Variants in SLC24A2 observed in about 807,000 individuals in gnomAD.
SLC24A2 encodes the protein solute carrier family 24 member 2.
SLC24A2 carries 36 observed loss-of-function variants against 62.0 expected under a neutral mutation model. The observed-to-expected ratio is 0.58, with a 90% CI of 0.44 to 0.77. The LOEUF (loss-of-function observed/expected upper bound fraction) is 0.77. SLC24A2 is among the 30% of genes least tolerant of loss of function. The pLI is 0.00. For missense variants in SLC24A2, 846 were observed against 817.9 expected, an observed-to-expected ratio of 1.03 and a Z score of -0.42; for synonymous variants, 358 against 294.0, an observed-to-expected ratio of 1.22 and a Z score of -2.23.
the SLC24A2 span, among the ~76,000 whole-genome samples, chr9:19,938,898 AAAAC>A: frequency 1.9e-4 from 29 of 151,676 alleles, no homozygotes; most frequent in Admixed American, 4.6e-4. Flanking sequence ...TGTACAAAAC[AAAAC>A]AAACAAACAA....
At chr9:19,838,455 CCACACA>C in the SLC24A2 span, among the ~76,000 whole-genome samples, 21 of 144,850 alleles carry the variant, frequency 1.4e-4, no homozygotes, top group African/African-American at 3.3e-4. Context: ...AGACCTAAAA[CCACACA>C]CACACACACA....
the SLC24A2 span, among the ~76,000 whole-genome samples, chr9:20,143,310 G>A: frequency 6.6e-6 from 1 of 152,142 alleles, no homozygotes; most frequent in Non-Finnish European, 1.5e-5. Flanking sequence ...TTGGGCCATA[G>A]AGAAAAGAGG....
At chr9:19,654,480 C>T (rs535323889) in intron 2 of SLC24A2, among the ~76,000 whole-genome samples, 8 of 152,176 alleles carry the variant, frequency 5.3e-5, no homozygotes, top group African/African-American at 9.7e-5. Context: ...TCTGCCCATT[C>T]GATTGCTCCA....
At chr9:20,058,277 A>G in the SLC24A2 span, among the ~76,000 whole-genome samples, 1 of 152,210 alleles carries the variant, frequency 6.6e-6, no homozygotes, top group Admixed American at 6.5e-5. Flanking sequence ...AAGTCACACA[A>G]ATAAAGATGA....
the SLC24A2 span, among the ~76,000 whole-genome samples, chr9:19,893,425 T>C: frequency 6.6e-6 from 1 of 152,170 alleles, no homozygotes; most frequent in Non-Finnish European, 1.5e-5. Flanking sequence ...TACCTCCCTA[T>C]TGGTGCAACT....
chr9:19,932,372 G>T, the SLC24A2 span, among the ~76,000 whole-genome samples: 1 of 152,140 alleles, frequency 6.6e-6, no homozygotes, highest in African/African-American at 2.4e-5. Flanking sequence ...GTCTTACGTG[G>T]AGCTTCTTCA....
chr9:19,878,791 A>G, the SLC24A2 span, among the ~76,000 whole-genome samples: 14 of 152,240 alleles, frequency 9.2e-5, no homozygotes, highest in East Asian at 1.7e-3. Flanking sequence ...CTGGAAGTCA[A>G]TTACATCTCT....
chr9:19,814,447 T>A, the SLC24A2 span, among the ~76,000 whole-genome samples: 2 of 152,150 alleles, frequency 1.3e-5, no homozygotes, highest in African/African-American at 4.8e-5. Context: ...TTGGTTAACA[T>A]TTGTTATCAA....
the SLC24A2 span, among the ~76,000 whole-genome samples, chr9:19,864,089 G>T: frequency 6.6e-6 from 1 of 151,810 alleles, no homozygotes; most frequent in African/African-American, 2.4e-5. Context: ...TAGAAAAAAT[G>T]GACAAATTCC....
the SLC24A2 span, among the ~76,000 whole-genome samples, chr9:20,266,944 T>C: frequency 5.3e-5 from 8 of 151,908 alleles, no homozygotes; most frequent in Non-Finnish European, 1.0e-4. Flanking sequence ...CAGCTAGGCA[T>C]AGTGGAACAC....
chr9:19,723,936 A>G (rs1396141052), intron 2 of SLC24A2, among the ~76,000 whole-genome samples: 3 of 152,074 alleles, frequency 2.0e-5, no homozygotes, highest in Non-Finnish European at 2.9e-5. Context: ...ATTTTGCCAT[A>G]CTATTTTTTA....
chr9:19,883,468 G>A, the SLC24A2 span, among the ~76,000 whole-genome samples: 1 of 152,082 alleles, frequency 6.6e-6, no homozygotes, highest in Non-Finnish European at 1.5e-5. Flanking sequence ...CACAAGTAAA[G>A]AATCTATACC....
the SLC24A2 span, among the ~76,000 whole-genome samples, chr9:20,269,521 G>A: frequency 2.6e-5 from 4 of 152,156 alleles, no homozygotes; most frequent in Admixed American, 6.5e-5. Context: ...GTGAAAGGAG[G>A]AGTGTTCTGG....
chr9:19,978,538 AG>A, the SLC24A2 span, among the ~76,000 whole-genome samples: 18 of 152,272 alleles, frequency 1.2e-4, no homozygotes, highest in African/African-American at 4.1e-4. Context: ...ATGGTGTTCA[AG>A]CAACTGACCA....
chr9:20,093,416 C>A, the SLC24A2 span, among the ~76,000 whole-genome samples: 1 of 151,904 alleles, frequency 6.6e-6, no homozygotes, highest in Non-Finnish European at 1.5e-5. Flanking sequence ...TTCTTTTTAT[C>A]TTTTTTGAGT....
At chr9:20,055,493 GCTATTAT>G in the SLC24A2 span, among the ~76,000 whole-genome samples, 1 of 152,190 alleles carries the variant, frequency 6.6e-6, no homozygotes, top group African/African-American at 2.4e-5. Context: ...CTCTTCAGTA[GCTATTAT>G]CTGTAACTTT....
At chr9:19,861,229 C>G in the SLC24A2 span, among the ~76,000 whole-genome samples, 1 of 152,132 alleles carries the variant, frequency 6.6e-6, no homozygotes, top group African/African-American at 2.4e-5. Context: ...CTCCAGGTGG[C>G]TCAGAGCAGA....
the SLC24A2 span, among the ~76,000 whole-genome samples, chr9:20,229,994 T>C: frequency 6.6e-5 from 10 of 152,070 alleles, no homozygotes; most frequent in Admixed American, 2.0e-4. Context: ...TTTGGTTTTT[T>C]GTCCTTGTGA....
chr9:19,962,758 G>A, the SLC24A2 span, among the ~76,000 whole-genome samples: 1 of 152,142 alleles, frequency 6.6e-6, no homozygotes, highest in Non-Finnish European at 1.5e-5. Context: ...GAGATTTTGG[G>A]CTGAGACTAT....
Sources: gnomAD v4.1 joint callset for allele counts (sites outside exome capture counted in the v4.1 genomes callset) on GRCh38, gnomAD v4.1.1 for gene constraint, MANE v1.5 for transcripts, NCBI Gene and HGNC (gene_info 2026-07-23, HGNC 2026-07-21) for gene names.